Variants in SPIN2A observed in about 807,000 individuals in gnomAD.
The protein encoded by SPIN2A is spindlin family member 2A, also known as spindlin-2A.
A neutral mutation model predicts 9.2 loss-of-function variants in SPIN2A; 4 were observed. The ratio of observed to expected loss-of-function variants is 0.44; its 90% CI spans 0.21 to 1.00. The LOEUF is 1.00. SPIN2A is among the 50% of genes least tolerant of loss of function. SPIN2A has a pLI of 0.26. For synonymous variants in SPIN2A, 25 were observed against 61.2 expected (o/e 0.41, Z 2.76); for missense variants, 77 against 172.8 (o/e 0.45, Z 3.11).
chrX:57,138,567 G>A (rs915912417), upstream of SPIN2A, among the ~76,000 whole-genome samples: 3 of 110,902 alleles, frequency 2.7e-5, no homozygotes, highest in African/African-American at 9.9e-5. Flanking sequence ...CTTTCTTTTG[G>A]ATATATACCC....
upstream of SPIN2A, among the ~76,000 whole-genome samples, chrX:57,139,418 C>T (rs1031592743): frequency 9.0e-6 from 1 of 111,639 alleles, no homozygotes; most frequent in East Asian, 2.8e-4. Flanking sequence ...TATTCATATG[C>T]CAGTACCATG....
chrX:57,141,167 A>T (rs182379750), upstream of SPIN2A, among the ~76,000 whole-genome samples: 1 of 110,550 alleles, frequency 9.0e-6, no homozygotes, highest in Non-Finnish European at 1.9e-5. Flanking sequence ...ATTTCATTGA[A>T]TTTTTTTTGG....
chrX:57,145,506 T>G, the SPIN2A span, among the ~76,000 whole-genome samples: 5 of 111,198 alleles, frequency 4.5e-5, no homozygotes, highest in African/African-American at 1.6e-4. Flanking sequence ...AATCTGTGCA[T>G]TGTCTGTTTA....
chrX:57,135,691 G>A lies in SPIN2A; in HGVS notation c.*130C>T. 1 of 1,103,333 alleles carries A rather than the reference G, an allele frequency of 9.1e-7. No individual in the cohort carries two copies. The highest frequency in any genetic ancestry group is 1.2e-6 in the Non-Finnish European group (1 of 838,470). 90.9% of individuals were successfully genotyped at this position (1,103,333 alleles called of 1,213,427 possible). ...TTGTATTTTTTAGAGCAAAACAACA[G>A]TTAATGCTGGCAAAGATGTTTAGTT... On this transcript the variant is annotated 3_prime_UTR_variant, in exon 2 of 2. Coordinates refer to ENST00000374906, the MANE Select transcript of SPIN2A (RefSeq NM_019003.5).
At chrX:57,136,754 T>C (rs2146915610) in intron 1 of SPIN2A, 152 bp from the exon 2 acceptor site, 1 of 269,466 alleles carries the variant, frequency 3.7e-6, no homozygotes, top group East Asian at 8.5e-5. Context: ...ATGCCCGCAG[T>C]GCTCTCCCTC....
upstream of SPIN2A, among the ~76,000 whole-genome samples, chrX:57,140,765 G>A (rs1927980963): frequency 9.0e-6 from 1 of 111,275 alleles, no homozygotes; most frequent in Non-Finnish European, 1.9e-5. Context: ...ACTTATAAAC[G>A]GGAGGCAAAA....
At chrX:57,134,465 C>T (rs770589143), downstream of SPIN2A, 5 of 110,636 alleles carry the variant, frequency 4.5e-5, no homozygotes, top group Admixed American at 9.6e-5. Flanking sequence ...GATCGTTGGT[C>T]GGAGCCACCT....
At chrX:57,137,913 A>G (rs1927881573), upstream of SPIN2A, among the ~76,000 whole-genome samples, 1 of 111,828 alleles carries the variant, frequency 8.9e-6, no homozygotes, top group African/African-American at 3.3e-5. Context: ...GTATAAAACT[A>G]TGAATTCTGT....
upstream of SPIN2A, among the ~76,000 whole-genome samples, chrX:57,142,084 T>C (rs1928018368): frequency 8.9e-6 from 1 of 112,231 alleles, no homozygotes; most frequent in East Asian, 2.8e-4. Flanking sequence ...TCTTTTGCAT[T>C]GTCTTTCAGT....
chrX:57,134,459 G>A (rs996498391), downstream of SPIN2A: 3 of 111,047 alleles, frequency 2.7e-5, no homozygotes, highest in Non-Finnish European at 5.7e-5. Flanking sequence ...TTAGTGGATC[G>A]TTGGTCGGAG....
chrX:57,146,285 C>G, the SPIN2A span, among the ~76,000 whole-genome samples: 1 of 110,999 alleles, frequency 9.0e-6, no homozygotes, highest in Non-Finnish European at 1.9e-5. Flanking sequence ...CTTTCACCCT[C>G]TGAGTTATGT....
At chrX:57,146,020 T>C in the SPIN2A span, among the ~76,000 whole-genome samples, 2 of 110,512 alleles carry the variant, frequency 1.8e-5, no homozygotes, top group African/African-American at 6.6e-5. Context: ...TTTTTCTTTT[T>C]TTGCTTAGTC....
chrX:57,136,959 C>G, intron 1 of SPIN2A: 2 of 874,426 alleles, frequency 2.3e-6, no homozygotes, highest in Non-Finnish European at 2.9e-6. Flanking sequence ...TACCCTCCTG[C>G]CCTGAGTGCC....
upstream of SPIN2A, among the ~76,000 whole-genome samples, chrX:57,142,002 C>G (rs1928016211): frequency 2.7e-5 from 3 of 110,687 alleles, no homozygotes; most frequent in South Asian, 1.1e-3. Context: ...TTATTTGAGT[C>G]TTCTCTTAGT....
upstream of SPIN2A, among the ~76,000 whole-genome samples, chrX:57,138,330 G>T (rs1927897157): frequency 1.8e-5 from 2 of 110,932 alleles, 1 homozygote; most frequent in Admixed American, 1.9e-4. Context: ...CAAACCAAAT[G>T]GGTGTACAAT....
upstream of SPIN2A, among the ~76,000 whole-genome samples, chrX:57,139,080 A>G (rs933494299): frequency 2.1e-4 from 24 of 111,688 alleles, no homozygotes; most frequent in Non-Finnish European, 3.2e-4. Context: ...TCACTTGCCC[A>G]TTTTTCCTTT....
upstream of SPIN2A, among the ~76,000 whole-genome samples, chrX:57,141,014 C>G (rs1352007469): frequency 8.9e-6 from 1 of 112,006 alleles, no homozygotes; most frequent in Non-Finnish European, 1.9e-5. Flanking sequence ...TTGTCTTGTT[C>G]CAGGTCATAG....
At position 57,137,268 on chromosome X, in the gene SPIN2A, T is replaced by C; in HGVS notation, c.-14A>G. On this transcript the variant is annotated 5_prime_UTR_variant, in exon 1 of 2. Transcript: ENST00000374906. The stretch of plus-strand genomic sequence containing the variant: ...GTGCCGAAATCGGATACCTCGATGC[T>C]GCCTCTGCTGTGAGCCTGTGGCGAA... 4 of 761,493 alleles carry C rather than the reference T, an allele frequency of 5.3e-6. No homozygotes were observed. The highest frequency in any genetic ancestry group is 6.2e-6 in the Non-Finnish European group (4 of 642,921). The allele number at this position is 761,493 out of a possible 1,213,427, so 62.8% of individuals were successfully genotyped here.
chrX:57,146,122 T>G, the SPIN2A span, among the ~76,000 whole-genome samples: 1 of 110,402 alleles, frequency 9.1e-6, no homozygotes, highest in Non-Finnish European at 1.9e-5. Flanking sequence ...GTCATTTTGA[T>G]GAGAATTGCA....
Sources: allele counts gnomAD v4.1 joint callset (sites outside exome capture counted in the v4.1 genomes callset), GRCh38; gene constraint gnomAD v4.1.1; transcripts MANE v1.5; gene names NCBI Gene and HGNC (gene_info 2026-07-23, HGNC 2026-07-21).